PVT1: variants seen among roughly 807,000 people sequenced by gnomAD.
The protein encoded by PVT1 is Pvt1 oncogene, also known as CXCR4/PVT1 fusion.
chr8:128,089,785 A>C (rs561569833), intron 5 of PVT1, among the ~76,000 whole-genome samples: 1 of 152,310 alleles, frequency 6.6e-6, no homozygotes, highest in African/African-American at 2.4e-5. Context: ...GGATTTCCAC[A>C]GGGAAGCTGA....
chr8:127,897,898 AGAAAAAAAGAC>A, intron 3 of PVT1, among the ~76,000 whole-genome samples: 2 of 150,752 alleles, frequency 1.3e-5, no homozygotes, highest in Non-Finnish European at 3.0e-5. Flanking sequence ...AAAGAAAGAA[AGAAAAAAAGAC>A]AGACAGGAAG....
intron 2 of PVT1, among the ~76,000 whole-genome samples, chr8:127,882,688 T>G (rs776998098): frequency 6.6e-6 from 1 of 152,116 alleles, no homozygotes; most frequent in Non-Finnish European, 1.5e-5. Context: ...TTCGCCATGT[T>G]GGCCAGTCTG....
intron 2 of PVT1, among the ~76,000 whole-genome samples, chr8:127,844,829 T>G (rs1444102113): frequency 6.6e-6 from 1 of 152,160 alleles, no homozygotes; most frequent in African/African-American, 2.4e-5. Context: ...TTCTCCTGCC[T>G]CAGCCTCCCG....
rs537615570 is a variant in PVT1, at chr8:127,898,988, C to T, written n.782+7990C>T. ...CAACCGAAGAACAGCTGTTGGTGGT[C>T]AGGTCTCTGAGTCACTCAGTAGCTT... On this transcript the variant is annotated intron_variant and non_coding_transcript_variant, in intron 3 of 10. Coordinates refer to ENST00000651587, the Ensembl canonical transcript of PVT1. This position sits in a 1 kb window ranked among gnomAD's most constrained non-coding sequence, Gnocchi z 4.4. Among the ~76,000 whole-genome samples, 86 of 152,264 alleles carry T rather than the reference C, an allele frequency of 5.6e-4. No individual in the cohort carries two copies. In the East Asian group the frequency reaches 0.016, roughly 28 times the overall value.
chr8:127,999,470 T>C (rs565014305), intron 4 of PVT1, among the ~76,000 whole-genome samples: 1 of 152,286 alleles, frequency 6.6e-6, no homozygotes, highest in South Asian at 2.1e-4. Context: ...CACCCATTTT[T>C]TTTTTTTTTG....
chr8:127,912,026 G>T (rs543671729), intron 3 of PVT1, among the ~76,000 whole-genome samples: 2 of 152,296 alleles, frequency 1.3e-5, no homozygotes, highest in South Asian at 4.1e-4. Context: ...TTTTAGTGGA[G>T]ACCTGGATTT....
chr8:128,093,600 GGC>G (rs2130171775), intron 5 of PVT1, among the ~76,000 whole-genome samples: 1 of 152,134 alleles, frequency 6.6e-6, no homozygotes, highest in Admixed American at 6.5e-5. Flanking sequence ...GCTTGAAAGA[GGC>G]CTTTGGCACG....
At chr8:128,034,746 T>C (rs1464856403) in intron 4 of PVT1, among the ~76,000 whole-genome samples, 1 of 152,176 alleles carries the variant, frequency 6.6e-6, no homozygotes, top group Non-Finnish European at 1.5e-5. Context: ...TCTCCATATA[T>C]ACAATTTATT....
intron 2 of PVT1, among the ~76,000 whole-genome samples, chr8:127,833,183 T>A (rs561393993): frequency 3.0e-4 from 46 of 152,290 alleles, no homozygotes; most frequent in African/African-American, 1.1e-3. Flanking sequence ...AGAATAGTAC[T>A]GTTCTGGGTT....
chr8:128,083,385 G>A (rs747882544), intron 5 of PVT1, among the ~76,000 whole-genome samples: 1 of 152,228 alleles, frequency 6.6e-6, no homozygotes, highest in Non-Finnish European at 1.5e-5. Flanking sequence ...GCCACTTGTG[G>A]TATTTAAGCA....
chr8:128,005,734 G>T (rs1817238939), intron 4 of PVT1, among the ~76,000 whole-genome samples: 1 of 152,138 alleles, frequency 6.6e-6, no homozygotes, highest in Non-Finnish European at 1.5e-5. Flanking sequence ...AGTGCTGAGT[G>T]CTAGCAAAGA....
At chr8:127,835,085 C>A (rs1586399543) in intron 2 of PVT1, among the ~76,000 whole-genome samples, 1 of 152,108 alleles carries the variant, frequency 6.6e-6, no homozygotes, top group Non-Finnish European at 1.5e-5. Flanking sequence ...ACCCAGCAAT[C>A]CAATTACTGG....
At chr8:127,856,237 G>T (rs1290090612) in intron 2 of PVT1, among the ~76,000 whole-genome samples, 2 of 152,000 alleles carry the variant, frequency 1.3e-5, no homozygotes, top group African/African-American at 4.8e-5. Flanking sequence ...GGCTTAGGGG[G>T]TATGCTGGGG....
At chr8:127,819,066 C>T (rs916110014) in intron 2 of PVT1, among the ~76,000 whole-genome samples, 11 of 152,166 alleles carry the variant, frequency 7.2e-5, no homozygotes, top group Admixed American at 5.2e-4. Flanking sequence ...TATGTGGTCC[C>T]TGCTGGAGTG....
At position 128,076,316 on chromosome 8, in the gene PVT1, C is replaced by G. The variant is rs78284377; in HGVS notation, n.1114+5955C>G. 9.1e-4 allele frequency among the ~76,000 whole-genome samples: 139 copies of G among 152,272 alleles called. 2 individuals carry two copies. The East Asian group carries it at 0.023, about 25-fold the overall frequency. On this transcript the variant is annotated intron_variant and non_coding_transcript_variant, in intron 5 of 10. Transcript: ENST00000651587. ...TGACATAAAGAATGTCCTGTTAGCTCACCCTTCACTATATGTTGGGGTGGG... is the reference window on the plus strand; with the variant it reads ...TGACATAAAGAATGTCCTGTTAGCTGACCCTTCACTATATGTTGGGGTGGG...
At chr8:127,896,338 C>T (rs1815674602) in intron 3 of PVT1, among the ~76,000 whole-genome samples, 1 of 152,048 alleles carries the variant, frequency 6.6e-6, no homozygotes, top group Non-Finnish European at 1.5e-5. Context: ...ACTGTTCCAT[C>T]CCTGAATTAC....
chr8:128,035,428 C>T (rs552393089), intron 4 of PVT1, among the ~76,000 whole-genome samples: 24 of 152,340 alleles, frequency 1.6e-4, no homozygotes, highest in African/African-American at 5.1e-4. Flanking sequence ...TCTCTGCTCT[C>T]ACACTTTGTG....
chr8:127,827,206 G>A (rs1399926863), intron 2 of PVT1, among the ~76,000 whole-genome samples: 1 of 151,962 alleles, frequency 6.6e-6, no homozygotes, highest in Admixed American at 6.6e-5. Context: ...TGTTGGTCAG[G>A]CTGGTCTCGA....
At chr8:127,883,062 T>TCACACACACACA (rs10637867) in intron 2 of PVT1, among the ~76,000 whole-genome samples, 6 of 147,976 alleles carry the variant, frequency 4.1e-5, no homozygotes, top group African/African-American at 1.2e-4. Context: ...TGCACACACA[T>TCACACACACACA]CACACACACA....
Sources: gnomAD v4.1 joint callset for allele counts (sites outside exome capture counted in the v4.1 genomes callset) on GRCh38, gnomAD v4.1.1 for gene constraint, Gnocchi (gnomAD v3.1) non-coding constraint, MANE v1.5 for transcripts, NCBI Gene and HGNC (gene_info 2026-07-23, HGNC 2026-07-21) for gene names.